Variants in UNC13C observed in about 807,000 individuals in gnomAD.
The protein encoded by UNC13C is protein unc-13 homolog C.
A neutral mutation model predicts 245.4 loss-of-function variants in UNC13C; 174 were observed. The observed-to-expected ratio is 0.71, with a 90% confidence interval of 0.63 to 0.80. UNC13C has a LOEUF of 0.80. Among genes scored for constraint, UNC13C ranks in the 30% least tolerant of loss-of-function variants. UNC13C has a pLI of 0.00. For missense variants in UNC13C, 2,829 were observed against 2,602.9 expected, an observed-to-expected ratio of 1.09 and a Z score of -1.89; for synonymous variants, 992 against 895.1, an observed-to-expected ratio of 1.11 and a Z score of -1.93.
intron 21 of UNC13C, 86 bp from the exon 22 acceptor site, chr15:54,500,747 GAT>G: frequency 9.4e-7 from 1 of 1,059,964 alleles, no homozygotes; most frequent in Non-Finnish European, 1.4e-6. Flanking sequence ...TGATACGGGA[GAT>G]TCAGTTGTTG....
chr15:54,471,438 A>T (rs959980884), intron 19 of UNC13C, among the ~76,000 whole-genome samples: 1 of 151,480 alleles, frequency 6.6e-6, no homozygotes, highest in Non-Finnish European at 1.5e-5. Context: ...TTGACCCTTT[A>T]TCATTTTATT....
rs1432145301 is a variant in UNC13C at position 54,627,074 on chromosome 15, A to G, written c.6606A>G (p.Arg2202=). The G allele has an allele frequency of 1.2e-6, 2 of 1,612,640 alleles. No individual in the cohort carries two copies. The highest frequency in any genetic ancestry group is 1.7e-6 in the Non-Finnish European group (2 of 1,179,270). The change falls in exon 33 of 33, where the codon AGA becomes AGG. Residue 2202 remains arginine (R), a synonymous_variant. Transcript: ENST00000260323. ...TSDDVAKEFV[R]LKSETRSTEE... is the part of the protein sequence containing the mutation. ...ATGATGTGGCTAAAGAATTTGTAAG[A>G]CTTAAATCTGAAACAAGATCTACTG...
intron 22 of UNC13C, among the ~76,000 whole-genome samples, chr15:54,502,811 A>G (rs1487861872): frequency 1.3e-5 from 2 of 152,156 alleles, no homozygotes; most frequent in Non-Finnish European, 2.9e-5. Flanking sequence ...CACCCTCAGA[A>G]TAGTCAGGCA....
At chr15:54,246,944 A>C (rs2036008511) in intron 7 of UNC13C, among the ~76,000 whole-genome samples, 2 of 152,202 alleles carry the variant, frequency 1.3e-5, no homozygotes, top group Admixed American at 6.5e-5. Flanking sequence ...ATAGATAAGC[A>C]GCAAGTCACT....
chr15:54,074,132 G>T (rs1898470720), intron 2 of UNC13C, among the ~76,000 whole-genome samples: 1 of 9,284 alleles, frequency 1.1e-4, no homozygotes, highest in Non-Finnish European at 3.4e-3. Context: ...TTATTGAAAA[G>T]AGAATCTTTC....
chr15:54,333,020 G>A (rs944375345), intron 15 of UNC13C, among the ~76,000 whole-genome samples: 1 of 151,988 alleles, frequency 6.6e-6, no homozygotes, highest in Non-Finnish European at 1.5e-5. Flanking sequence ...GGCAACAAGG[G>A]CCTGAAGCCA....
At chr15:54,403,014 A>T (rs2040218321) in intron 18 of UNC13C, among the ~76,000 whole-genome samples, 1 of 152,248 alleles carries the variant, frequency 6.6e-6, no homozygotes, top group African/African-American at 2.4e-5. Flanking sequence ...TAGGTGCTCC[A>T]CAATGGTAAT....
the UNC13C span, among the ~76,000 whole-genome samples, chr15:53,876,897 T>A: frequency 6.6e-6 from 1 of 152,222 alleles, no homozygotes; most frequent in East Asian, 1.9e-4. Context: ...TTGTCAACAG[T>A]TCCAGTTTGA....
intron 10 of UNC13C, among the ~76,000 whole-genome samples, chr15:54,269,413 G>A (rs2036628860): frequency 6.6e-6 from 1 of 152,198 alleles, no homozygotes; most frequent in African/African-American, 2.4e-5. Flanking sequence ...AAAACAGTAT[G>A]AGAGCCAACA....
At chr15:54,584,097 C>A (rs1898349863) in intron 30 of UNC13C, among the ~76,000 whole-genome samples, 2 of 152,198 alleles carry the variant, frequency 1.3e-5, no homozygotes, top group South Asian at 4.1e-4. Context: ...CCTCACCTGA[C>A]TGACACCCTA....
At chr15:54,336,564 T>C (rs2038582444) in intron 16 of UNC13C, among the ~76,000 whole-genome samples, 1 of 152,134 alleles carries the variant, frequency 6.6e-6, no homozygotes, top group Non-Finnish European at 1.5e-5. Context: ...GTGTGTTTCT[T>C]CTAAAAGATT....
chr15:54,109,727 G>C (rs1352259815), intron 2 of UNC13C, among the ~76,000 whole-genome samples: 1 of 152,028 alleles, frequency 6.6e-6, no homozygotes, highest in African/African-American at 2.4e-5. Context: ...CTATACACAT[G>C]GTAATCCGGT....
chr15:54,179,608 G>C (rs969492406), intron 4 of UNC13C, among the ~76,000 whole-genome samples: 12 of 151,890 alleles, frequency 7.9e-5, no homozygotes, highest in African/African-American at 2.9e-4. Flanking sequence ...ACTAATTAAA[G>C]AAAAAGAAAA....
chr15:54,160,979 C>A (rs2032950224), intron 4 of UNC13C, among the ~76,000 whole-genome samples: 1 of 152,064 alleles, frequency 6.6e-6, no homozygotes, highest in Non-Finnish European at 1.5e-5. Flanking sequence ...GATATCTTAG[C>A]CTAAAAGGGG....
chr15:54,117,054 G>T (rs2030303847), intron 2 of UNC13C, among the ~76,000 whole-genome samples: 1 of 152,072 alleles, frequency 6.6e-6, no homozygotes, highest in South Asian at 2.1e-4. Context: ...TATACCATTT[G>T]TATGTCTTAT....
intron 14 of UNC13C, among the ~76,000 whole-genome samples, chr15:54,330,214 A>G (rs1287280618): frequency 6.6e-6 from 1 of 152,026 alleles, no homozygotes; most frequent in African/African-American, 2.4e-5. Flanking sequence ...AGCAAACACT[A>G]ATGTAACAAA....
chr15:54,462,739 C>T lies in UNC13C; in HGVS notation c.4934-31869C>T, dbSNP rs28803267. ...CCCGCCATGCCTGAGCCCCCCAACC[C>T]ATGGGCTCCCGCGCAGCCCGAGGAG... is the stretch of plus-strand genomic sequence containing the variant. On this transcript the variant is annotated intron_variant, in intron 19 of 32. Transcript: ENST00000260323. 2.7e-3 allele frequency among the ~76,000 whole-genome samples: 407 copies of T among 152,344 alleles called. 4 individuals carry two copies. Among genetic ancestry groups the T allele is most frequent in the African/African-American group, 9.3e-3 (386 of 41,588 alleles).
chr15:54,255,037 T>C (rs759962457), intron 8 of UNC13C, among the ~76,000 whole-genome samples: 1 of 152,134 alleles, frequency 6.6e-6, no homozygotes, highest in African/African-American at 2.4e-5. Flanking sequence ...GCTTCTTCAG[T>C]GCCCCGCTTC....
In UNC13C at chr15:54,014,886, T is replaced by TCAAGTAGAG. The variant is rs766914929; in HGVS notation, c.1987_1988insTAGAGCAAG (p.Gln662_Gly663insValGluGln). 14 of 1,613,928 alleles carry TCAAGTAGAG rather than the reference T, an allele frequency of 8.7e-6. No individual in the cohort carries two copies. In the African/African-American group the frequency reaches 1.3e-4, roughly 15 times the overall value. ...ATCTTTCTCCATGGAAGGAATGGAATCAAGGAGCTGATTTAGGCTTGGATT... is the reference window on the plus strand; with the variant it reads ...ATCTTTCTCCATGGAAGGAATGGAATCAAGTAGAGCAAGGAGCTGATTTAGGCTTGGATT... On this transcript the variant is annotated inframe_insertion, in exon 2 of 33. Coordinates refer to ENST00000260323, the MANE Select transcript of UNC13C (RefSeq NM_001080534.3).
Sources: gnomAD v4.1 joint callset for allele counts (sites outside exome capture counted in the v4.1 genomes callset) on GRCh38, gnomAD v4.1.1 for gene constraint, MANE v1.5 for transcripts, NCBI Gene and HGNC (gene_info 2026-07-23, HGNC 2026-07-21) for gene names.